FMO2: variants seen among roughly 807,000 people sequenced by gnomAD.
FMO2 encodes flavin-containing monooxygenase 2.
FMO2 carries 33 observed loss-of-function variants against 41.6 expected under a neutral mutation model. The observed-to-expected ratio is 0.79, with a 90% CI of 0.60 to 1.06. The LOEUF is 1.06. Among genes scored for constraint, FMO2 ranks in the 50% least tolerant of loss-of-function variants. FMO2 has a pLI of 0.00. For missense variants in FMO2, 619 were observed against 632.9 expected (o/e 0.98, Z 0.23); for synonymous variants, 214 against 219.6 (o/e 0.97, Z 0.23).
At chr1:171,199,296 T>G in intron 4 of FMO2, 50 bp from the exon 5 acceptor site, 1 of 1,487,650 alleles carries the variant, frequency 6.7e-7, no homozygotes, top group Non-Finnish European at 8.9e-7. Flanking sequence ...GAAATTAGCT[T>G]GACATAGTTG....
chr1:171,201,751 T>C (rs187152914), intron 5 of FMO2, among the ~76,000 whole-genome samples: 98 of 152,294 alleles, frequency 6.4e-4, no homozygotes, highest in African/African-American at 2.2e-3. Context: ...CAGTTTGGCA[T>C]GGCTGGGGAA....
intron 3 of FMO2, 123 bp from the exon 4 acceptor site, chr1:171,196,526 C>T: frequency 1.3e-6 from 1 of 780,184 alleles, no homozygotes. Context: ...TATTCAACAC[C>T]CTTAACAGAT....
chr1:171,203,788 A>G (rs1658635324), intron 5 of FMO2, 77 bp from the exon 6 acceptor site: 10 of 1,255,638 alleles, frequency 8.0e-6, no homozygotes, highest in Non-Finnish European at 1.0e-5. Flanking sequence ...TACACATGTG[A>G]TACATGACCT....
intron 4 of FMO2, among the ~76,000 whole-genome samples, chr1:171,198,026 G>T (rs1658371285): frequency 6.6e-6 from 1 of 152,182 alleles, no homozygotes; most frequent in Non-Finnish European, 1.5e-5. Context: ...AGCAGCTCTG[G>T]CATGAGGCTG....
chr1:171,193,272 G>A (rs910941916), intron 2 of FMO2, 63 bp from the exon 3 acceptor site: 71 of 1,107,378 alleles, frequency 6.4e-5, no homozygotes, highest in Admixed American at 4.8e-4. Context: ...GATGTAGGAA[G>A]AGTAAAAAAC....
At chr1:171,206,191 G>A (rs540677054) in intron 7 of FMO2, among the ~76,000 whole-genome samples, 8 of 152,294 alleles carry the variant, frequency 5.3e-5, no homozygotes, top group Non-Finnish European at 1.2e-4. Flanking sequence ...CTGGGAACTG[G>A]TGGGACAGAG....
intron 1 of FMO2, 160 bp from the exon 2 acceptor site, chr1:171,185,548 C>G: frequency 1.5e-6 from 1 of 649,474 alleles, no homozygotes; most frequent in South Asian, 2.5e-5. Flanking sequence ...TTCTCAAAGG[C>G]AAGAAGAGAG....
Position 171,185,741 on chromosome 1 carries a change from G to C in FMO2, c.28G>C (p.Ala10Pro), listed in dbSNP as rs1478910834. The change falls in exon 2 of 9, where the codon GCT becomes CCT. Residue 10 changes from alanine (A) to proline (P), a missense_variant. Ala to Pro is a conservative substitution (Grantham distance 27, BLOSUM62 -1). Transcript: ENST00000209929. MAKKVAVIGAGVSGLISLKC... is the reference protein window; with the variant it reads MAKKVAVIGPGVSGLISLKC... ...GGCAAAGAAGGTAGCTGTGATTGGA[G>C]CTGGGGTCAGTGGCCTAATTTCTCT... 5.6e-6 allele frequency: 9 copies of C among 1,613,888 alleles called. No homozygotes were observed. The highest frequency in any genetic ancestry group is 6.8e-6 in the Non-Finnish European group (8 of 1,179,808).
At chr1:171,192,301 C>T (rs953950116) in intron 2 of FMO2, among the ~76,000 whole-genome samples, 1 of 152,062 alleles carries the variant, frequency 6.6e-6, no homozygotes, top group Non-Finnish European at 1.5e-5. Flanking sequence ...GAGACAGAAA[C>T]CCCCTTGTAT....
At chr1:171,200,417 G>C (rs1035419506) in intron 5 of FMO2, among the ~76,000 whole-genome samples, 2 of 152,174 alleles carry the variant, frequency 1.3e-5, no homozygotes, top group African/African-American at 4.8e-5. Flanking sequence ...TCCCTCTCAA[G>C]AAGGCCTGAA....
chr1:171,197,203 T>G lies in FMO2; in HGVS notation c.484+392T>G, dbSNP rs540355874. Among the ~76,000 whole-genome samples, 144 of 152,302 alleles carry G rather than the reference T, an allele frequency of 9.5e-4. 1 individual carries two copies. The highest frequency in any genetic ancestry group is 3.2e-3 in the African/African-American group (135 of 41,576). On this transcript the variant is annotated intron_variant, in intron 4 of 8. Coordinates refer to ENST00000209929, the MANE Select transcript of FMO2 (RefSeq NM_001460.5). Reference sequence around the variant, plus strand: ...GGAGAGCTCCTAGAAAGAAATGCTTTGCAAGTTAGTGATGGGGAGAGAAGT... The same window carrying G: ...GGAGAGCTCCTAGAAAGAAATGCTTGGCAAGTTAGTGATGGGGAGAGAAGT...
At chr1:171,202,683 T>C (rs1001730336) in intron 5 of FMO2, among the ~76,000 whole-genome samples, 3 of 152,196 alleles carry the variant, frequency 2.0e-5, no homozygotes, top group Non-Finnish European at 4.4e-5. Context: ...AATTCAACCA[T>C]GGCAACACAG....
At position 171,205,616 on chromosome 1, in the gene FMO2, G is replaced by A. The variant is rs368153993; in HGVS notation, c.1165G>A (p.Val389Met). Residue 389 changes from valine to methionine, a missense_variant, in exon 7 of 9, where the codon GTG becomes ATG. Coordinates refer to ENST00000209929, the MANE Select transcript of FMO2 (RefSeq NM_001460.5). ...AACTGCTGAACTTCAAGCTCGTTGG[G>A]TGACAAGAGTTTTCAAAGGTAAGTG... The part of the protein sequence containing the change: ...FPTAELQARW[V>M]TRVFKGLCSL... 12 of 1,607,298 alleles carry A rather than the reference G, an allele frequency of 7.5e-6. No individual in the cohort carries two copies. Among genetic ancestry groups the A allele is most frequent in the Admixed American group, 3.4e-5 (2 of 59,054 alleles).
intron 8 of FMO2, among the ~76,000 whole-genome samples, chr1:171,208,509 C>G (rs1305424833): frequency 6.6e-6 from 1 of 152,184 alleles, no homozygotes; most frequent in Admixed American, 6.5e-5. Context: ...CTAGCATGTA[C>G]TTGCCTGGAG....
At chr1:171,190,181 T>A (rs1332831340) in intron 2 of FMO2, among the ~76,000 whole-genome samples, 1 of 152,190 alleles carries the variant, frequency 6.6e-6, no homozygotes, top group Non-Finnish European at 1.5e-5. Flanking sequence ...ACCCTTATAA[T>A]CTTCTTTAAA....
intron 3 of FMO2, 139 bp downstream of exon 3, chr1:171,193,662 A>G (rs554343968): frequency 8.3e-4 from 515 of 618,360 alleles, no homozygotes; most frequent in Middle Eastern, 4.4e-3. Context: ...AGCCTCATAT[A>G]AAACCCAAAA....
chr1:171,209,773 A>C lies in FMO2; in HGVS notation c.*628A>C, dbSNP rs2102020776. 6.6e-6 allele frequency: 1 copy of C among 152,338 alleles called. No homozygotes were observed. Among genetic ancestry groups the C allele is most frequent in the Middle Eastern group, 3.4e-3 (1 of 294 alleles). 9.4% of individuals were successfully genotyped at this position (152,338 alleles called of 1,614,324 possible). The stretch of plus-strand genomic sequence containing the variant: ...CAGAGATACTGCTGGAAAAATTAAA[A>C]TTAAAATGCCATAATAGCTACCTAA... On this transcript the variant is annotated 3_prime_UTR_variant, in exon 9 of 9. Coordinates refer to ENST00000209929, the MANE Select transcript of FMO2 (RefSeq NM_001460.5).
At chr1:171,199,323 C>T in intron 4 of FMO2, 23 bp from the exon 5 acceptor site, 1 of 1,547,162 alleles carries the variant, frequency 6.5e-7, no homozygotes, top group Non-Finnish European at 8.7e-7. Flanking sequence ...AGCTCACAGA[C>T]TTCTCTCTTC....
chr1:171,208,820 T>C lies in FMO2; in HGVS notation c.1283T>C (p.Leu428Ser). The C allele has an allele frequency of 6.2e-7, 1 of 1,614,004 alleles. No individual in the cohort carries two copies. Among genetic ancestry groups the C allele is most frequent in the Non-Finnish European group, 8.5e-7 (1 of 1,179,888 alleles). Residue 428 changes from leucine to serine, a missense_variant, in exon 9 of 9, where the codon TTG becomes TCG. By Grantham distance (145) the Leu-to-Ser change is moderately radical. Transcript: ENST00000209929. ...TTTGGAGAAAGCCAGAGCCAGACGT[T>C]GCAGACCAATTATGTTGACTACTTG... ...DLFGESQSQT[L>S]QTNYVDYLDE...
Sources: allele counts gnomAD v4.1 joint callset (sites outside exome capture counted in the v4.1 genomes callset), GRCh38; gene constraint gnomAD v4.1.1; transcripts MANE v1.5; gene names NCBI Gene and HGNC (gene_info 2026-07-23, HGNC 2026-07-21).